The following LIX1 variants were observed in gnomAD, a reference collection of about 807,000 sequenced individuals.
The protein encoded by LIX1 is limb and CNS expressed 1, also known as protein limb expression 1 homolog.
Under a neutral mutation model 33.4 loss-of-function variants are expected in LIX1, and 24 were observed. The observed-to-expected ratio is 0.72, with a 90% CI of 0.52 to 1.01. LIX1 has a LOEUF of 1.01. LIX1 is among the 50% of genes least tolerant of loss of function. The pLI, the probability that LIX1 is intolerant of heterozygous loss-of-function variation, is 0.00. For missense variants in LIX1, 311 were observed against 339.2 expected (o/e 0.92, Z 0.65); for synonymous variants, 124 against 124.0 (o/e 1.00, Z 0.00).
intron 1 of LIX1, 112 bp downstream of exon 1, chr5:97,142,383 C>G: frequency 1.4e-6 from 1 of 706,184 alleles, no homozygotes. Context: ...TCACTTAGAA[C>G]ACAGCATACG....
chr5:97,098,987 G>A (rs909165527), intron 4 of LIX1, among the ~76,000 whole-genome samples: 1 of 152,138 alleles, frequency 6.6e-6, no homozygotes, highest in African/African-American at 2.4e-5. Flanking sequence ...AGTACTCTGA[G>A]AGCCCACAGA....
chr5:97,109,356 C>T (rs778416141), intron 2 of LIX1, among the ~76,000 whole-genome samples: 9 of 151,984 alleles, frequency 5.9e-5, no homozygotes, highest in Non-Finnish European at 7.4e-5. Context: ...TGGGCCCAAG[C>T]GATCCTCCCA....
intron 1 of LIX1, among the ~76,000 whole-genome samples, chr5:97,134,188 C>T (rs758867971): frequency 5.9e-5 from 9 of 152,218 alleles, no homozygotes; most frequent in Non-Finnish European, 1.2e-4. Flanking sequence ...GGAGCTTTCT[C>T]AGCTCACTGC....
intron 1 of LIX1, among the ~76,000 whole-genome samples, chr5:97,134,295 T>G (rs1203792592): frequency 8.5e-5 from 13 of 152,194 alleles, no homozygotes; most frequent in Admixed American, 7.9e-4. Flanking sequence ...AATTTTTGTA[T>G]TTTTAGTAGA....
intron 1 of LIX1, among the ~76,000 whole-genome samples, chr5:97,127,881 T>A (rs1285806352): frequency 1.3e-5 from 2 of 152,228 alleles, no homozygotes; most frequent in Non-Finnish European, 2.9e-5. Context: ...AATGCTCAGC[T>A]CCACCTTATT....
intron 1 of LIX1, 81 bp downstream of exon 1, chr5:97,142,414 A>T: frequency 1.0e-6 from 1 of 957,070 alleles, no homozygotes; most frequent in South Asian, 1.4e-5. Flanking sequence ...TTTAGGAGAA[A>T]TCTTACTTAA....
intron 2 of LIX1, among the ~76,000 whole-genome samples, chr5:97,109,388 G>A (rs987926086): frequency 1.8e-4 from 27 of 151,994 alleles, no homozygotes; most frequent in African/African-American, 6.3e-4. Flanking sequence ...TGAGTAGCTG[G>A]GTCTACAGGC....
intron 5 of LIX1, among the ~76,000 whole-genome samples, chr5:97,095,749 C>T (rs925421188): frequency 1.3e-5 from 2 of 152,146 alleles, no homozygotes; most frequent in Non-Finnish European, 2.9e-5. Context: ...ATAATAACAT[C>T]ATATGTAGAG....
intron 5 of LIX1, 48 bp downstream of exon 5, chr5:97,096,762 C>A (rs769695599): frequency 7.7e-7 from 1 of 1,305,014 alleles, no homozygotes; most frequent in Non-Finnish European, 1.1e-6. Flanking sequence ...GATAAGCCAC[C>A]TGCTGAGTTC....
At chr5:97,104,661 C>T (rs1282073304) in intron 4 of LIX1, among the ~76,000 whole-genome samples, 1 of 152,124 alleles carries the variant, frequency 6.6e-6, no homozygotes, top group African/African-American at 2.4e-5. Context: ...TAATATAGTT[C>T]CTCAACTCTT....
intron 2 of LIX1, among the ~76,000 whole-genome samples, chr5:97,111,304 A>T (rs1490610389): frequency 6.6e-6 from 1 of 152,220 alleles, no homozygotes; most frequent in Non-Finnish European, 1.5e-5. Flanking sequence ...CCTCGTAAAG[A>T]AAAGAATGAA....
chr5:97,115,705 G>A (rs1406046008), intron 2 of LIX1, among the ~76,000 whole-genome samples: 1 of 151,414 alleles, frequency 6.6e-6, no homozygotes, highest in East Asian at 1.9e-4. Context: ...TTTCACTGGT[G>A]CCTCCCAATG....
intron 1 of LIX1, among the ~76,000 whole-genome samples, chr5:97,128,799 C>G (rs1214591313): frequency 6.6e-6 from 1 of 152,188 alleles, no homozygotes; most frequent in Non-Finnish European, 1.5e-5. Flanking sequence ...TGTCTCCCAT[C>G]AGCATCAGTT....
chr5:97,105,332 C>T (rs1746958007), intron 3 of LIX1, 47 bp from the exon 4 acceptor site: 3 of 1,500,932 alleles, frequency 2.0e-6, no homozygotes, highest in East Asian at 2.3e-5. Flanking sequence ...TTTTCCTCCT[C>T]TTCTTTGAAT....
chr5:97,137,042 C>A (rs1748186901), intron 1 of LIX1: 1 of 398,498 alleles, frequency 2.5e-6, no homozygotes, highest in African/African-American at 2.1e-5. Context: ...TTAAATCAAT[C>A]TGTAGCACAT....
chr5:97,108,723 C>T (rs763246077), intron 2 of LIX1, among the ~76,000 whole-genome samples: 5 of 152,094 alleles, frequency 3.3e-5, no homozygotes, highest in Admixed American at 6.5e-5. Context: ...GCACCCCTGA[C>T]TGTGCTTCTT....
Position 97,094,596 on chromosome 5 carries a change from C to A in LIX1, c.*152G>T. On this transcript the variant is annotated 3_prime_UTR_variant, in exon 6 of 6. Coordinates refer to ENST00000274382, the MANE Select transcript of LIX1 (RefSeq NM_153234.5). ...GTTGGGTCTTGTAAGGGTCCTACGA[C>A]TCTCATACTCTGTAAATGGAATGTG... The A allele has an allele frequency of 1.5e-6, 1 of 676,138 alleles. No individual in the cohort carries two copies. The highest frequency in any genetic ancestry group is 2.5e-6 in the Non-Finnish European group (1 of 404,722). 41.9% of individuals were successfully genotyped at this position (676,138 alleles called of 1,614,324 possible).
chr5:97,105,065 A>T, intron 4 of LIX1, 125 bp downstream of exon 4: 4 of 843,924 alleles, frequency 4.7e-6, no homozygotes, highest in Non-Finnish European at 7.7e-6. Flanking sequence ...GGGTTAGATT[A>T]AAATGACCAA....
At chr5:97,115,128 A>G (rs1470482350) in intron 2 of LIX1, among the ~76,000 whole-genome samples, 2 of 152,202 alleles carry the variant, frequency 1.3e-5, no homozygotes, top group East Asian at 3.8e-4. Flanking sequence ...CCAGGGTGTC[A>G]CACTATGTAA....
Sources: allele counts gnomAD v4.1 joint callset (sites outside exome capture counted in the v4.1 genomes callset), GRCh38; gene constraint gnomAD v4.1.1; transcripts MANE v1.5; gene names NCBI Gene and HGNC (gene_info 2026-07-23, HGNC 2026-07-21).